Variants in INPP4B observed in about 807,000 individuals in gnomAD.
The protein encoded by INPP4B is inositol polyphosphate-4-phosphatase type II B.
INPP4B carries 55 observed loss-of-function variants against 122.5 expected under a neutral mutation model. The observed-to-expected ratio is 0.45, with a 90% confidence interval of 0.36 to 0.56. The LOEUF is 0.56. Among genes scored for constraint, INPP4B ranks in the 20% least tolerant of loss-of-function variants. The pLI is 0.00. For synonymous variants in INPP4B, 403 were observed against 388.7 expected, an observed-to-expected ratio of 1.04 and a Z score of -0.43; for missense variants, 1,000 against 1,097.7, an observed-to-expected ratio of 0.91 and a Z score of 1.26.
At chr4:142,400,141 T>C (rs1243472718) in intron 7 of INPP4B, among the ~76,000 whole-genome samples, 1 of 152,198 alleles carries the variant, frequency 6.6e-6, no homozygotes, top group Non-Finnish European at 1.5e-5. Flanking sequence ...AGTACAAATA[T>C]GTATGCAAAT....
chr4:142,598,770 C>A (rs1580463831), intron 2 of INPP4B, among the ~76,000 whole-genome samples: 1 of 152,192 alleles, frequency 6.6e-6, no homozygotes, highest in South Asian at 2.1e-4. Flanking sequence ...GAGCCCCTCC[C>A]ACTGTGAGCT....
intron 1 of INPP4B, among the ~76,000 whole-genome samples, chr4:142,786,313 G>T (rs553518614): frequency 6.6e-6 from 1 of 152,188 alleles, no homozygotes; most frequent in Admixed American, 6.6e-5. Flanking sequence ...AGGAGCAGAG[G>T]AGACAAGTTA....
chr4:142,078,098 A>T (rs1771821745), intron 25 of INPP4B, among the ~76,000 whole-genome samples: 1 of 151,908 alleles, frequency 6.6e-6, no homozygotes, highest in African/African-American at 2.4e-5. Flanking sequence ...TTCTAATCTG[A>T]AGAGGCATTT....
chr4:142,213,728 A>C (rs949808990), intron 12 of INPP4B, among the ~76,000 whole-genome samples: 2 of 152,142 alleles, frequency 1.3e-5, no homozygotes, highest in Non-Finnish European at 2.9e-5. Context: ...ATACATATGC[A>C]CCTCAGGTTA....
rs752892310 is a variant in INPP4B at position 142,112,697 on chromosome 4, G to A, written c.2136-15C>T. ...CGTAATGTTCTCTAAAGAAGGCAGA[G>A]GACAAAGGGAAGAAACATTACTTAT... On this transcript the variant is annotated splice_polypyrimidine_tract_variant and intron_variant, in intron 21 of 25. Coordinates refer to ENST00000262992, the MANE Select transcript of INPP4B (RefSeq NM_001101669.3). 1.0e-5 allele frequency: 16 copies of A among 1,590,532 alleles called. No individual in the cohort carries two copies. In the Admixed American group the frequency reaches 2.9e-4, roughly 29 times the overall value.
At chr4:142,455,533 T>G (rs1221136387) in intron 3 of INPP4B, among the ~76,000 whole-genome samples, 1 of 152,104 alleles carries the variant, frequency 6.6e-6, no homozygotes, top group Non-Finnish European at 1.5e-5. Flanking sequence ...ATTGTGTATA[T>G]GTACCACATT....
At chr4:142,383,844 G>A in intron 7 of INPP4B, 1 of 480,540 alleles carries the variant, frequency 2.1e-6, no homozygotes, top group Non-Finnish European at 3.7e-6. Flanking sequence ...TATTTATGAT[G>A]TTTTGTGCTT....
At chr4:142,156,165 T>C (rs1817078392) in intron 17 of INPP4B, among the ~76,000 whole-genome samples, 1 of 151,814 alleles carries the variant, frequency 6.6e-6, no homozygotes, top group Non-Finnish European at 1.5e-5. Context: ...ATACTAAGAA[T>C]TGTTTTTCTA....
chr4:142,334,678 T>C (rs1397139361), intron 7 of INPP4B, among the ~76,000 whole-genome samples: 1 of 152,220 alleles, frequency 6.6e-6, no homozygotes, highest in Non-Finnish European at 1.5e-5. Context: ...CATTGTGGAT[T>C]TAATTTGCAT....
At chr4:142,660,127 A>G (rs564994255) in intron 2 of INPP4B, among the ~76,000 whole-genome samples, 1 of 152,178 alleles carries the variant, frequency 6.6e-6, no homozygotes, top group Non-Finnish European at 1.5e-5. Flanking sequence ...AGCTACTGAC[A>G]TTAGGTGGGA....
At chr4:142,543,975 T>G (rs1452014398) in intron 2 of INPP4B, among the ~76,000 whole-genome samples, 1 of 152,054 alleles carries the variant, frequency 6.6e-6, no homozygotes, top group Non-Finnish European at 1.5e-5. Context: ...ATCCTACATG[T>G]AGGTTTAAAA....
At chr4:142,416,017 G>C (rs924936749) in intron 5 of INPP4B, among the ~76,000 whole-genome samples, 5 of 151,866 alleles carry the variant, frequency 3.3e-5, no homozygotes, top group Non-Finnish European at 7.4e-5. Flanking sequence ...GTGGGGTGAG[G>C]GGGGAGGGAT....
chr4:142,415,582 G>T (rs1051598264), intron 5 of INPP4B, among the ~76,000 whole-genome samples: 1 of 151,978 alleles, frequency 6.6e-6, no homozygotes, highest in African/African-American at 2.4e-5. Context: ...AACCATTGTG[G>T]AAGTCAGTGT....
At chr4:142,381,395 G>A (rs948635617) in intron 7 of INPP4B, among the ~76,000 whole-genome samples, 10 of 151,392 alleles carry the variant, frequency 6.6e-5, no homozygotes, top group Non-Finnish European at 1.3e-4. Flanking sequence ...TTGTTTTACT[G>A]AAGAGAGCTT....
intron 2 of INPP4B, among the ~76,000 whole-genome samples, chr4:142,617,848 C>A (rs1388832556): frequency 5.9e-5 from 9 of 152,068 alleles, no homozygotes; most frequent in Admixed American, 4.6e-4. Context: ...AATTTCCAGG[C>A]AATGCAATAG....
intron 1 of INPP4B, among the ~76,000 whole-genome samples, chr4:142,733,638 G>C (rs1342409528): frequency 6.6e-6 from 1 of 152,152 alleles, no homozygotes; most frequent in Admixed American, 6.5e-5. Context: ...GAGTTAGCAA[G>C]GATGTGGAAG....
intron 5 of INPP4B, among the ~76,000 whole-genome samples, chr4:142,419,767 C>T (rs985415191): frequency 2.0e-5 from 3 of 152,030 alleles, no homozygotes; most frequent in African/African-American, 4.8e-5. Context: ...GGCGTGGTCC[C>T]CAAGTGACTT....
At chr4:142,691,333 T>G (rs1867215) in intron 2 of INPP4B, among the ~76,000 whole-genome samples, 92,033 of 149,290 alleles carry the variant, frequency 0.62, 28,521 homozygotes, top group East Asian at 0.79. Context: ...GCAAAGTTTT[T>G]TTTTTTTTTT....
chr4:142,655,958 T>C (rs79836790), intron 2 of INPP4B, among the ~76,000 whole-genome samples: 6,945 of 152,298 alleles, frequency 0.046, 224 homozygotes, highest in Middle Eastern at 0.14. Flanking sequence ...AATCATTAAT[T>C]CTGAAATACA....
Sources: allele counts gnomAD v4.1 joint callset (sites outside exome capture counted in the v4.1 genomes callset), GRCh38; gene constraint gnomAD v4.1.1; transcripts MANE v1.5; gene names NCBI Gene and HGNC (gene_info 2026-07-23, HGNC 2026-07-21).